The following EPB41L2 variants were observed in gnomAD, a reference collection of about 807,000 sequenced individuals.
EPB41L2 encodes band 4.1-like protein 2.
A neutral mutation model predicts 113.0 loss-of-function variants in EPB41L2; 43 were observed. That is an observed-to-expected ratio of 0.38 (90% CI 0.30 to 0.49). The LOEUF (loss-of-function observed/expected upper bound fraction) is 0.49. Among genes scored for constraint, EPB41L2 ranks in the 20% least tolerant of loss-of-function variants. EPB41L2 has a pLI of 0.95. For missense variants in EPB41L2, 1,147 were observed against 1,223.4 expected (o/e 0.94, Z 0.93); for synonymous variants, 442 against 436.7 (o/e 1.01, Z -0.15).
At chr6:130,955,897 A>G in intron 2 of EPB41L2, 97 bp downstream of exon 2, 1 of 1,517,666 alleles carries the variant, frequency 6.6e-7, no homozygotes, top group Admixed American at 2.1e-5. Context: ...GTATCTCAGT[A>G]CAAGAAATCT....
rs1784988297 is a variant in EPB41L2, at chr6:130,869,638, T to G, written c.2532A>C (p.Glu844Asp). Residue 844 changes from glutamate to aspartate, a missense_variant, in exon 15 of 20, where the codon GAA (glutamate) becomes GAC (aspartate). Transcript: ENST00000337057. The part of the protein sequence containing the change: ...LKQDMGEEAE[E>D]EPQKVNGEVS... ...CCTCTCCGTTAACTTTCTGTGGCTC[T>G]TCCTCTGCTTCTTCTCCCATGTCTT... 6.2e-7 allele frequency: 1 copy of G among 1,614,200 alleles called. No homozygotes were observed. Among genetic ancestry groups the G allele is most frequent in the Admixed American group, 1.7e-5 (1 of 60,030 alleles).
At chr6:131,004,989 G>T (rs1223029102) in intron 1 of EPB41L2, among the ~76,000 whole-genome samples, 1 of 152,156 alleles carries the variant, frequency 6.6e-6, no homozygotes, top group Non-Finnish European at 1.5e-5. Flanking sequence ...TAACAATCAA[G>T]AAATGGATAA....
intron 3 of EPB41L2, among the ~76,000 whole-genome samples, chr6:130,945,871 T>G (rs1359064811): frequency 6.6e-6 from 1 of 152,126 alleles, no homozygotes; most frequent in Non-Finnish European, 1.5e-5. Context: ...ACACTGAGTA[T>G]GTAAATGACC....
intron 1 of EPB41L2, among the ~76,000 whole-genome samples, chr6:131,006,496 T>C (rs1785560502): frequency 1.3e-5 from 2 of 151,660 alleles, no homozygotes; most frequent in Admixed American, 6.6e-5. Context: ...ACCCCGTCTC[T>C]ACTAAAAACA....
Position 130,945,695 on chromosome 6 carries a change from C to A in EPB41L2, c.705+9410G>T, listed in dbSNP as rs191713059. Among the ~76,000 whole-genome samples, 227 of 152,280 alleles carry A rather than the reference C, an allele frequency of 1.5e-3. 1 individual carries two copies. The highest frequency in any genetic ancestry group is 5.0e-3 in the African/African-American group (209 of 41,556). On this transcript the variant is annotated intron_variant, in intron 3 of 19. Coordinates refer to ENST00000337057, the MANE Select transcript of EPB41L2 (RefSeq NM_001431.4). ...TAGAAATGGAGGAAGCAAATATTTTCATTCTCTTTGCAATCTGAGAATAGA... is the reference window on the plus strand; with the variant it reads ...TAGAAATGGAGGAAGCAAATATTTTAATTCTCTTTGCAATCTGAGAATAGA...
At chr6:130,999,183 G>A (rs1363358536) in intron 1 of EPB41L2, among the ~76,000 whole-genome samples, 5 of 151,950 alleles carry the variant, frequency 3.3e-5, no homozygotes, top group Non-Finnish European at 7.4e-5. Flanking sequence ...AGATCCCCTA[G>A]TGTCCCCTAC....
intron 1 of EPB41L2, among the ~76,000 whole-genome samples, chr6:130,999,268 C>T (rs2128709061): frequency 6.6e-6 from 1 of 152,298 alleles, no homozygotes; most frequent in South Asian, 2.1e-4. Context: ...CCAAGCAAGT[C>T]TGTCTTACTT....
chr6:130,947,477 A>AAATCTATT (rs1813341397), intron 3 of EPB41L2, among the ~76,000 whole-genome samples: 1 of 152,228 alleles, frequency 6.6e-6, no homozygotes, highest in African/African-American at 2.4e-5. Flanking sequence ...AGATGGAAAC[A>AAATCTATT]AATCTATTCT....
At chr6:130,863,838 C>A in intron 17 of EPB41L2, 120 bp from the exon 18 acceptor site, 1 of 598,172 alleles carries the variant, frequency 1.7e-6, no homozygotes, top group Non-Finnish European at 3.0e-6. Context: ...CCACACACAA[C>A]AAGCAGCAAA....
At chr6:130,875,433 C>T (rs531854757) in intron 14 of EPB41L2, among the ~76,000 whole-genome samples, 8 of 152,216 alleles carry the variant, frequency 5.3e-5, no homozygotes, top group African/African-American at 1.9e-4. Flanking sequence ...TAGGGTCTAA[C>T]CTCTTTGAAT....
chr6:130,895,239 G>C, intron 8 of EPB41L2, 120 bp from the exon 9 acceptor site: 5 of 1,179,204 alleles, frequency 4.2e-6, no homozygotes, highest in Non-Finnish European at 5.9e-6. Flanking sequence ...TGTATTTAAA[G>C]TTTAGTGACA....
chr6:130,978,779 A>T (rs1778716454), intron 1 of EPB41L2: 1 of 152,194 alleles, frequency 6.6e-6, no homozygotes, highest in Admixed American at 6.5e-5. Flanking sequence ...CTAACTACAA[A>T]GGGAATAAGA....
intron 1 of EPB41L2, among the ~76,000 whole-genome samples, chr6:131,051,452 C>CAAAA (rs547631535): frequency 0.28 from 27,979 of 100,720 alleles, 5,182 homozygotes; most frequent in Non-Finnish European, 0.35. Flanking sequence ...AAAAGTAAAG[C>CAAAA]AAAAAAAAAA....
intron 14 of EPB41L2, among the ~76,000 whole-genome samples, chr6:130,871,557 A>G (rs1371025542): frequency 6.6e-6 from 1 of 152,096 alleles, no homozygotes; most frequent in Non-Finnish European, 1.5e-5. Context: ...AACATCACAC[A>G]CACACGTCTC....
intron 1 of EPB41L2, among the ~76,000 whole-genome samples, chr6:131,020,229 G>A (rs1789138500): frequency 6.6e-6 from 1 of 151,806 alleles, no homozygotes; most frequent in South Asian, 2.1e-4. Context: ...TTAGCACTTT[G>A]CATTTTCGCT....
rs1785101427 is a variant in EPB41L2, at chr6:130,869,931, C to CACTGCT, written c.2233_2238dup (p.Ser745_Ser746dup). On this transcript the variant is annotated inframe_insertion, in exon 15 of 20. Coordinates refer to ENST00000337057, the MANE Select transcript of EPB41L2 (RefSeq NM_001431.4). ...TCTCCCACGTCTTCCTCCTCACTCTCACTGCTGCTGCTGCTGCTCTCAGAA... is the reference window on the plus strand; with the variant it reads ...TCTCCCACGTCTTCCTCCTCACTCTCACTGCTACTGCTGCTGCTGCTGCTCTCAGAA... The CACTGCT allele has an allele frequency of 6.2e-7, 1 of 1,613,138 alleles. No individual in the cohort carries two copies. The highest frequency in any genetic ancestry group is 1.1e-5 in the South Asian group (1 of 91,052).
At position 130,911,335 on chromosome 6, in the gene EPB41L2, C is replaced by T. The variant is rs527282513; in HGVS notation, c.811-2472G>A. Among the ~76,000 whole-genome samples the T allele has an allele frequency of 9.9e-5, 15 of 152,024 alleles. No individual in the cohort carries two copies. The East Asian group carries it at 2.1e-3, about 22-fold the overall frequency. ...GCTGAACAATGAGAACACATGGACA[C>T]GGAGAGGGGAACATCACACACCAGG... is the stretch of plus-strand genomic sequence containing the variant. On this transcript the variant is annotated intron_variant, in intron 4 of 19. Coordinates refer to ENST00000337057, the MANE Select transcript of EPB41L2 (RefSeq NM_001431.4).
At chr6:130,866,901 T>C (rs933755940) in intron 16 of EPB41L2, among the ~76,000 whole-genome samples, 11 of 152,286 alleles carry the variant, frequency 7.2e-5, no homozygotes, top group African/African-American at 2.6e-4. Flanking sequence ...CATTCACATA[T>C]GAATGACTAC....
At position 130,904,458 on chromosome 6, in the gene EPB41L2, A is replaced by G. The variant is rs1212915677; in HGVS notation, c.929+7T>C. ...AAGGTTCATTTAAAAATGCAAATAT[A>G]AAGTACCTGGTGATATCTTCAGTCA... On this transcript the variant is annotated splice_region_variant and intron_variant, in intron 6 of 19. Transcript: ENST00000337057. The G allele has an allele frequency of 6.4e-7, 1 of 1,568,114 alleles. No homozygotes were observed. The highest frequency in any genetic ancestry group is 1.7e-5 in the Admixed American group (1 of 58,032).
Sources: gnomAD v4.1 joint callset for allele counts (sites outside exome capture counted in the v4.1 genomes callset) on GRCh38, gnomAD v4.1.1 for gene constraint, MANE v1.5 for transcripts, NCBI Gene and HGNC (gene_info 2026-07-23, HGNC 2026-07-21) for gene names.